Variants in CFAP54 observed in about 807,000 individuals in gnomAD.
CFAP54 encodes cilia and flagella associated protein 54, also known as cilia- and flagella-associated protein 54.
A neutral mutation model predicts 370.4 loss-of-function variants in CFAP54; 290 were observed. The observed-to-expected ratio is 0.78, with a 90% confidence interval of 0.71 to 0.86. The LOEUF (loss-of-function observed/expected upper bound fraction) is 0.86. Ranked by LOEUF, CFAP54 falls within the 40% of genes least tolerant of loss-of-function variation. The pLI is 0.00. For synonymous variants in CFAP54, 1,206 were observed against 1,236.5 expected, an observed-to-expected ratio of 0.98 and a Z score of 0.52; for missense variants, 3,399 against 3,528.7, an observed-to-expected ratio of 0.96 and a Z score of 0.93.
chr12:96,825,998 A>G (rs11108709), intron 65 of CFAP54, among the ~76,000 whole-genome samples: 11,925 of 143,454 alleles, frequency 0.083, 675 homozygotes, highest in Admixed American at 0.14. Context: ...TTAATAAATA[A>G]CAATATATTA....
At chr12:96,794,116 T>G (rs187873622) in intron 63 of CFAP54, among the ~76,000 whole-genome samples, 200 of 152,328 alleles carry the variant, frequency 1.3e-3, no homozygotes, top group Middle Eastern at 6.8e-3. Context: ...GCTATTAATC[T>G]TGTAGATTTT....
At chr12:96,826,386 G>C (rs1173664067) in intron 65 of CFAP54, among the ~76,000 whole-genome samples, 1 of 91,964 alleles carries the variant, frequency 1.1e-5, no homozygotes, top group African/African-American at 4.3e-5. Flanking sequence ...TCAATATATT[G>C]TTATATATAT....
At chr12:96,759,295 A>G (rs1412441299) in intron 58 of CFAP54, among the ~76,000 whole-genome samples, 1 of 149,880 alleles carries the variant, frequency 6.7e-6, no homozygotes, top group Non-Finnish European at 1.5e-5. Context: ...GTAACAGAAA[A>G]AAAAAAAACC....
intron 50 of CFAP54, among the ~76,000 whole-genome samples, chr12:96,725,016 T>TAGA: frequency 6.6e-6 from 1 of 152,320 alleles, no homozygotes; most frequent in South Asian, 2.1e-4. Flanking sequence ...GAGGGCTCTG[T>TAGA]TCTGTTCCAT....
At chr12:96,821,588 A>G (rs1331910841) in intron 65 of CFAP54, among the ~76,000 whole-genome samples, 1 of 152,108 alleles carries the variant, frequency 6.6e-6, no homozygotes, top group Non-Finnish European at 1.5e-5. Flanking sequence ...CAGAAGGAAC[A>G]CTAATATTCG....
chr12:96,837,383 T>C (rs1959189672), intron 66 of CFAP54, among the ~76,000 whole-genome samples: 1 of 152,182 alleles, frequency 6.6e-6, no homozygotes, highest in South Asian at 2.1e-4. Flanking sequence ...TAAAAATGAG[T>C]AATAACACAT....
At chr12:96,822,262 T>G (rs1959042924) in intron 65 of CFAP54, among the ~76,000 whole-genome samples, 1 of 152,204 alleles carries the variant, frequency 6.6e-6, no homozygotes, top group African/African-American at 2.4e-5. Context: ...CAAAACACCC[T>G]GATTTTAAGA....
intron 42 of CFAP54, among the ~76,000 whole-genome samples, chr12:96,687,754 C>G (rs1174981757): frequency 1.3e-5 from 2 of 152,098 alleles, no homozygotes; most frequent in East Asian, 1.9e-4. Context: ...ACAATTTTCT[C>G]TCTCTCAACA....
intron 6 of CFAP54, among the ~76,000 whole-genome samples, chr12:96,520,403 G>A (rs1008859728): frequency 6.6e-6 from 1 of 152,032 alleles, no homozygotes; most frequent in African/African-American, 2.4e-5. Context: ...AATTAGTCAG[G>A]CATGGTGGTG....
At chr12:96,625,656 CA>C in intron 28 of CFAP54, 61 bp from the exon 29 acceptor site, 2 of 1,022,468 alleles carry the variant, frequency 2.0e-6, no homozygotes, top group Non-Finnish European at 1.4e-6. Flanking sequence ...GTGAATTACT[CA>C]AAAAATTTGT....
At position 96,811,848 on chromosome 12, in the gene CFAP54, T is replaced by G; in HGVS notation, c.8957+6T>G. ...TTATGGATTCCACTGAATAGGCAAGTAAAAATTCCACAACTCGAATTGTCT... is the reference window on the plus strand; with the variant it reads ...TTATGGATTCCACTGAATAGGCAAGGAAAAATTCCACAACTCGAATTGTCT... On this transcript the variant is annotated splice_donor_region_variant and intron_variant, in intron 64 of 67. Transcript: ENST00000524981. 1 of 1,424,388 alleles carries G rather than the reference T, an allele frequency of 7.0e-7. No homozygotes were observed. The highest frequency in any genetic ancestry group is 9.3e-7 in the Non-Finnish European group (1 of 1,071,322). The allele number at this position is 1,424,388 out of a possible 1,614,324, so 88.2% of individuals were successfully genotyped here. A position where few individuals can be genotyped will look rare whatever the true frequency, so the allele number is the denominator to read the frequency against.
intron 8 of CFAP54, among the ~76,000 whole-genome samples, chr12:96,523,382 T>C (rs1208915409): frequency 1.3e-5 from 2 of 152,238 alleles, no homozygotes; most frequent in Non-Finnish European, 2.9e-5. Context: ...TGCTACTCTC[T>C]TTCCTCATTT....
chr12:96,772,470 C>T (rs1053575926), intron 60 of CFAP54, among the ~76,000 whole-genome samples: 3 of 152,158 alleles, frequency 2.0e-5, no homozygotes, highest in Admixed American at 1.3e-4. Context: ...CTCTCTGACC[C>T]GAAACATACT....
At chr12:96,625,832 C>T in intron 29 of CFAP54, 25 bp downstream of exon 29, 2 of 1,448,020 alleles carry the variant, frequency 1.4e-6, no homozygotes, top group Non-Finnish European at 1.9e-6. Flanking sequence ...TGTGTATATG[C>T]TGTTCACTCG....
At chr12:96,770,560 C>T (rs532313348) in intron 60 of CFAP54, among the ~76,000 whole-genome samples, 5 of 152,220 alleles carry the variant, frequency 3.3e-5, no homozygotes, top group African/African-American at 1.2e-4. Context: ...AAGATTTACC[C>T]TTCAGTGAAC....
intron 20 of CFAP54, among the ~76,000 whole-genome samples, chr12:96,578,375 G>A (rs946844090): frequency 6.6e-6 from 1 of 152,050 alleles, no homozygotes; most frequent in African/African-American, 2.4e-5. Context: ...TGTTGATACT[G>A]GTTTTAAAGT....
intron 9 of CFAP54, among the ~76,000 whole-genome samples, chr12:96,529,951 A>G (rs1296494645): frequency 6.6e-6 from 1 of 152,078 alleles, no homozygotes; most frequent in Non-Finnish European, 1.5e-5. Context: ...CATAAGTTTT[A>G]TTGTTTCTTC....
chr12:96,682,372 A>ATTT, intron 40 of CFAP54: 4 of 777,970 alleles, frequency 5.1e-6, no homozygotes, highest in Non-Finnish European at 6.2e-6. Context: ...TTTTCTTTAA[A>ATTT]TTTTTTTTTT....
intron 50 of CFAP54, among the ~76,000 whole-genome samples, chr12:96,735,055 C>A (rs1453558711): frequency 6.6e-6 from 1 of 152,024 alleles, no homozygotes; most frequent in African/African-American, 2.4e-5. Context: ...TGTCTGCTTA[C>A]AAAGTGAAGT....
Sources: gnomAD v4.1 joint callset for allele counts (sites outside exome capture counted in the v4.1 genomes callset) on GRCh38, gnomAD v4.1.1 for gene constraint, MANE v1.5 for transcripts, NCBI Gene and HGNC (gene_info 2026-07-23, HGNC 2026-07-21) for gene names.